Variants in STXBP5 observed in about 807,000 individuals in gnomAD.
The protein encoded by STXBP5 is syntaxin-binding protein 5.
In STXBP5, 50 loss-of-function variants were observed where a neutral mutation model predicts 152.4. The observed-to-expected ratio is 0.33, with a 90% CI of 0.26 to 0.42. STXBP5 has a LOEUF of 0.42. Among genes scored for constraint, STXBP5 ranks in the 10% least tolerant of loss-of-function variants. The pLI, the probability that STXBP5 is intolerant of heterozygous loss-of-function variation, is 1.00. For missense variants in STXBP5, 1,167 were observed against 1,388.6 expected (o/e 0.84, Z 2.54); for synonymous variants, 492 against 494.7 (o/e 0.99, Z 0.07).
chr6:147,258,570 A>T (rs988424983), intron 4 of STXBP5, among the ~76,000 whole-genome samples: 2 of 152,070 alleles, frequency 1.3e-5, no homozygotes, highest in Non-Finnish European at 2.9e-5. Context: ...AGTAGCTGGA[A>T]CTACAGGTGC....
intron 2 of STXBP5, among the ~76,000 whole-genome samples, chr6:147,220,114 T>G (rs1011019639): frequency 1.3e-5 from 2 of 151,448 alleles, no homozygotes; most frequent in African/African-American, 4.9e-5. Flanking sequence ...AAATTCTCTC[T>G]TAATATCTTT....
At position 147,204,795 on chromosome 6, in the gene STXBP5, A is replaced by T; in HGVS notation, c.150+113A>T. ...AGGGAAGAGAACGCCAATAATAATA[A>T]TAATAACTCTAATAAAAGGCTCGCT... On this transcript the variant is annotated intron_variant, in intron 1 of 27. Transcript: ENST00000321680. This position sits in a 1 kb window ranked among gnomAD's most constrained non-coding sequence, Gnocchi z 4.3. 1 of 1,183,022 alleles carries T rather than the reference A, an allele frequency of 8.5e-7. No individual in the cohort carries two copies. Among genetic ancestry groups the T allele is most frequent in the Non-Finnish European group, 1.1e-6 (1 of 874,322 alleles). 73.3% of individuals were successfully genotyped at this position (1,183,022 alleles called of 1,614,324 possible). A position where few individuals can be genotyped will look rare whatever the true frequency, so the allele number is the denominator to read the frequency against.
intron 21 of STXBP5, among the ~76,000 whole-genome samples, chr6:147,345,024 T>C (rs1784259216): frequency 6.6e-6 from 1 of 152,198 alleles, no homozygotes. Flanking sequence ...TTTAAAGATT[T>C]ACCTCTATTT....
At chr6:147,342,759 A>G (rs1197386044) in intron 21 of STXBP5, among the ~76,000 whole-genome samples, 3 of 152,158 alleles carry the variant, frequency 2.0e-5, no homozygotes, top group Non-Finnish European at 1.5e-5. Flanking sequence ...TAGTCCTACA[A>G]TGCATATCTT....
intron 2 of STXBP5, among the ~76,000 whole-genome samples, chr6:147,218,967 C>T (rs1048175912): frequency 6.6e-6 from 1 of 152,144 alleles, no homozygotes; most frequent in East Asian, 1.9e-4. Flanking sequence ...ATTGCATTAG[C>T]TGGTGCTCCC....
At chr6:147,213,477 T>TGTGTGTGTGTGTGTGTGTGTGCGCGCGC in intron 2 of STXBP5, among the ~76,000 whole-genome samples, 5 of 131,324 alleles carry the variant, frequency 3.8e-5, no homozygotes, top group African/African-American at 9.6e-5. Context: ...TGTGTGTGTG[T>TGTGTGTGTGTGTGTGTGTGTGCGCGCGC]GCGCGCGCAT....
rs1229999216 is a variant in STXBP5 at position 147,239,174 on chromosome 6, C to T, written c.335C>T (p.Ala112Val). The change falls in exon 4 of 28, where the codon GCG (alanine) becomes GTG (valine). Residue 112 changes from alanine to valine, a missense_variant. By Grantham distance (64) the Ala-to-Val change is moderately conservative (BLOSUM62 0). Coordinates refer to ENST00000321680, the MANE Select transcript of STXBP5 (RefSeq NM_001127715.4). ...GTGTTATACTTGATTTTTAAGGGAG[C>T]GCTTGTGAGTGCCTTGGCTGATGAC... ...IQLQFLINEG[A>V]LVSALADDTL... 13 of 1,611,914 alleles carry T rather than the reference C, an allele frequency of 8.1e-6. No individual in the cohort carries two copies. The highest frequency in any genetic ancestry group is 1.7e-4 in the Middle Eastern group (1 of 6,046).
rs568093727 is a variant in STXBP5 at position 147,205,579 on chromosome 6, C to T, written c.151-392C>T. On this transcript the variant is annotated intron_variant, in intron 1 of 27. Coordinates refer to ENST00000321680, the MANE Select transcript of STXBP5 (RefSeq NM_001127715.4). ...CCTTAGAAGTACTTGCGTTAGCATC[C>T]AAATAAAGTAATGATGAAATGAATA... Among the ~76,000 whole-genome samples, 7 of 152,126 alleles carry T rather than the reference C, an allele frequency of 4.6e-5. No individual in the cohort carries two copies. In the South Asian group the frequency reaches 8.3e-4, roughly 18 times the overall value.
chr6:147,316,028 A>G (rs1426637724), intron 15 of STXBP5, among the ~76,000 whole-genome samples: 1 of 152,168 alleles, frequency 6.6e-6, no homozygotes, highest in South Asian at 2.1e-4. Context: ...ATCATAATGC[A>G]CGTTTGTGTG....
intron 16 of STXBP5, among the ~76,000 whole-genome samples, chr6:147,317,603 A>T (rs940722991): frequency 6.6e-6 from 1 of 152,194 alleles, no homozygotes; most frequent in Non-Finnish European, 1.5e-5. Context: ...AGTAGTGCCA[A>T]GGATGAGAAC....
At chr6:147,329,460 T>TC (rs960326175) in intron 18 of STXBP5, among the ~76,000 whole-genome samples, 6 of 150,306 alleles carry the variant, frequency 4.0e-5, no homozygotes, top group South Asian at 2.1e-4. Context: ...CTGACTCTGA[T>TC]CCCCCCAAAT....
intron 8 of STXBP5, among the ~76,000 whole-genome samples, chr6:147,282,627 G>A (rs958214088): frequency 6.6e-6 from 1 of 152,126 alleles, no homozygotes; most frequent in African/African-American, 2.4e-5. Flanking sequence ...GTACATCTAG[G>A]AGTAAGCTGT....
At chr6:147,218,970 G>GT (rs1472408194) in intron 2 of STXBP5, among the ~76,000 whole-genome samples, 5 of 151,982 alleles carry the variant, frequency 3.3e-5, no homozygotes, top group African/African-American at 9.7e-5. Flanking sequence ...GCATTAGCTG[G>GT]TGCTCCCATT....
chr6:147,298,056 G>A (rs1410386194), intron 9 of STXBP5, among the ~76,000 whole-genome samples: 1 of 151,954 alleles, frequency 6.6e-6, no homozygotes, highest in South Asian at 2.1e-4. Flanking sequence ...AATTATAAGA[G>A]ATATAGCATG....
At chr6:147,273,478 T>C (rs1021338136) in intron 7 of STXBP5, among the ~76,000 whole-genome samples, 1 of 152,202 alleles carries the variant, frequency 6.6e-6, no homozygotes, top group African/African-American at 2.4e-5. Flanking sequence ...TTATGATTAT[T>C]CTTTGTCATA....
intron 8 of STXBP5, among the ~76,000 whole-genome samples, chr6:147,280,579 A>G (rs769333724): frequency 2.0e-5 from 3 of 152,128 alleles, no homozygotes; most frequent in Non-Finnish European, 2.9e-5. Flanking sequence ...TTTCCCCTTT[A>G]GTTTTAGCAT....
At chr6:147,220,713 G>A (rs1334148545) in intron 2 of STXBP5, among the ~76,000 whole-genome samples, 1 of 152,022 alleles carries the variant, frequency 6.6e-6, no homozygotes, top group Admixed American at 6.6e-5. Context: ...TGAAAGCATG[G>A]CATATCTTTC....
Position 147,364,035 on chromosome 6 carries a change from T to C in STXBP5, c.2950T>C (p.Tyr984His). ...PSLRPLLDVY[Y>H]LPLTNMRIAR... ...TTTAAGACCTCTGTTGGATGTGTAT[T>C]ACTTGCCCCTTACCAATATGCGGAT... is the stretch of plus-strand genomic sequence containing the variant. The change falls in exon 25 of 28, where the codon TAC becomes CAC. Residue 984 changes from tyrosine (Y) to histidine (H), a missense_variant. Transcript: ENST00000321680. 6.2e-7 allele frequency: 1 copy of C among 1,614,036 alleles called. No homozygotes were observed. Among genetic ancestry groups the C allele is most frequent in the Non-Finnish European group, 8.5e-7 (1 of 1,180,010 alleles).
Position 147,343,571 on chromosome 6 carries a change from T to C in STXBP5, c.2254+4187T>C, listed in dbSNP as rs563923378. On this transcript the variant is annotated intron_variant, in intron 21 of 27. Coordinates refer to ENST00000321680, the MANE Select transcript of STXBP5 (RefSeq NM_001127715.4). ...GACTTAGGACTGGAATCCAGGCTTC[T>C]TGAGTCTTGTTTTACTATGTATAGC... Among the ~76,000 whole-genome samples, 225 of 151,978 alleles carry C rather than the reference T, an allele frequency of 1.5e-3. 1 individual carries two copies. Among genetic ancestry groups the C allele is most frequent in the African/African-American group, 5.2e-3 (215 of 41,256 alleles).
Sources: allele counts gnomAD v4.1 joint callset (sites outside exome capture counted in the v4.1 genomes callset), GRCh38; gene constraint gnomAD v4.1.1; non-coding constraint Gnocchi (gnomAD v3.1); transcripts MANE v1.5; gene names NCBI Gene and HGNC (gene_info 2026-07-23, HGNC 2026-07-21).